Variants in SP4 observed in about 807,000 individuals in gnomAD.
The protein encoded by SP4 is Sp4 transcription factor.
Under a neutral mutation model 72.8 loss-of-function variants are expected in SP4, and 19 were observed. That is an observed-to-expected ratio of 0.26 (90% confidence interval 0.18 to 0.38). The LOEUF (loss-of-function observed/expected upper bound fraction) is 0.38, where lower values mean the gene tolerates loss of function less well. Ranked by LOEUF, SP4 falls within the 10% of genes least tolerant of loss-of-function variation. The probability of loss-of-function intolerance (pLI) is 1.00; values close to 1 mark genes in which losing one functional copy is unlikely to be tolerated. For missense variants in SP4, 1,008 were observed against 926.3 expected, an observed-to-expected ratio of 1.09 and a Z score of -1.14; for synonymous variants, 395 against 333.1, an observed-to-expected ratio of 1.19 and a Z score of -2.02.
At chr7:21,430,956 T>A in intron 3 of SP4, 113 bp downstream of exon 3, 1 of 724,046 alleles carries the variant, frequency 1.4e-6, no homozygotes, top group South Asian at 1.9e-5. Flanking sequence ...CACACAATCA[T>A]AAGGAACCAG....
At chr7:21,494,654 C>T (rs888600215) in intron 5 of SP4, among the ~76,000 whole-genome samples, 1 of 152,164 alleles carries the variant, frequency 6.6e-6, no homozygotes, top group African/African-American at 2.4e-5. Context: ...CAGAGATACA[C>T]ATTGTATTCA....
At chr7:21,446,043 G>A (rs1261795192) in intron 3 of SP4, among the ~76,000 whole-genome samples, 2 of 118,504 alleles carry the variant, frequency 1.7e-5, no homozygotes, top group Non-Finnish European at 3.6e-5. Flanking sequence ...CGCATATGTA[G>A]GTAGATATAT....
chr7:21,436,413 G>A (rs1469865022), intron 3 of SP4, among the ~76,000 whole-genome samples: 2 of 152,186 alleles, frequency 1.3e-5, no homozygotes, highest in African/African-American at 2.4e-5. Context: ...CAAAATGATA[G>A]AATTGTAGGT....
chr7:21,435,947 G>A (rs184711842), intron 3 of SP4, among the ~76,000 whole-genome samples: 100 of 152,184 alleles, frequency 6.6e-4, no homozygotes, highest in African/African-American at 2.3e-3. Context: ...CTGTCGCCCA[G>A]GCTGGAGTGC....
intron 3 of SP4, among the ~76,000 whole-genome samples, chr7:21,434,411 C>G (rs971113849): frequency 2.0e-5 from 3 of 152,140 alleles, no homozygotes; most frequent in African/African-American, 4.8e-5. Flanking sequence ...AGAATGTTAG[C>G]AACAACCTAG....
At chr7:21,428,314 C>G (rs1782692195) in intron 1 of SP4, 56 bp downstream of exon 1, 2 of 911,294 alleles carry the variant, frequency 2.2e-6, no homozygotes, top group Admixed American at 4.0e-5. Flanking sequence ...CTCCCTCCCT[C>G]CCCAGACCCT....
chr7:21,502,457 ACT>A (rs1049358757), intron 5 of SP4, among the ~76,000 whole-genome samples: 5 of 151,308 alleles, frequency 3.3e-5, no homozygotes. Context: ...GCAATGACAG[ACT>A]CTTACAAGTC....
At chr7:21,460,522 A>C (rs1174559278) in intron 3 of SP4, among the ~76,000 whole-genome samples, 2 of 152,220 alleles carry the variant, frequency 1.3e-5, no homozygotes, top group East Asian at 3.8e-4. Flanking sequence ...AGAGCAAAAG[A>C]ACAAAGCTTC....
At position 21,428,187 on chromosome 7, in the gene SP4, C is replaced by CAACCAA; in HGVS notation, c.-65_-64insAACCAA. 1.8e-6 allele frequency: 1 copy of CAACCAA among 563,540 alleles called. No individual in the cohort carries two copies. The highest frequency in any genetic ancestry group is 3.3e-6 in the Non-Finnish European group (1 of 305,070). The allele number at this position is 563,540 out of a possible 1,614,324, so 34.9% of individuals were successfully genotyped here. On this transcript the variant is annotated 5_prime_UTR_variant, in exon 1 of 6. Transcript: ENST00000222584. ...GCGGGACCGGCCTCTCCTCCCGCCT[C>CAACCAA]GCCCCCACCCCCACCCACCTCTATC...
intron 3 of SP4, among the ~76,000 whole-genome samples, chr7:21,443,166 C>T (rs11971316): frequency 0.74 from 112,103 of 152,186 alleles, 42,199 homozygotes; most frequent in East Asian, 0.9. Context: ...ATTTATAATT[C>T]TATTTTTTCT....
At chr7:21,431,029 G>T (rs779744326) in intron 3 of SP4, among the ~76,000 whole-genome samples, 186 bp downstream of exon 3, 2 of 152,014 alleles carry the variant, frequency 1.3e-5, no homozygotes, top group Non-Finnish European at 2.9e-5. Context: ...GTTCACTTTT[G>T]TAGATTTTAT....
intron 5 of SP4, among the ~76,000 whole-genome samples, chr7:21,506,566 C>T (rs985915817): frequency 3.9e-5 from 6 of 152,122 alleles, no homozygotes; most frequent in African/African-American, 1.4e-4. Flanking sequence ...TTCTGACTAC[C>T]TCTTCCACAG....
At chr7:21,444,205 T>C (rs1783349467) in intron 3 of SP4, among the ~76,000 whole-genome samples, 1 of 152,178 alleles carries the variant, frequency 6.6e-6, no homozygotes, top group Non-Finnish European at 1.5e-5. Context: ...GTTCCTTAGA[T>C]GATTGAATAA....
Position 21,512,670 on chromosome 7 carries a change from T to G in SP4, c.*1401T>G, listed in dbSNP as rs1782179512. The stretch of plus-strand genomic sequence containing the variant: ...GCCGCCTCCCAGGTTCAAGCGATTC[T>G]CCTGTCTTAGCCTCCTGAGTAGCTG... On this transcript the variant is annotated 3_prime_UTR_variant, in exon 6 of 6. Coordinates refer to ENST00000222584, the MANE Select transcript of SP4 (RefSeq NM_003112.5). The G allele has an allele frequency of 1.3e-5, 2 of 151,690 alleles. No individual in the cohort carries two copies. The highest frequency in any genetic ancestry group is 4.9e-5 in the African/African-American group (2 of 41,216). 9.4% of individuals were successfully genotyped at this position (151,690 alleles called of 1,614,324 possible).
intron 5 of SP4, among the ~76,000 whole-genome samples, chr7:21,500,136 A>G (rs1382844674): frequency 6.6e-6 from 1 of 152,200 alleles, no homozygotes. Flanking sequence ...TCTAGGCAAA[A>G]GGAGCATTTT....
At chr7:21,431,118 C>T (rs909528554) in intron 3 of SP4, among the ~76,000 whole-genome samples, 5 of 152,048 alleles carry the variant, frequency 3.3e-5, no homozygotes, top group Non-Finnish European at 5.9e-5. Context: ...TCATAATTGC[C>T]TTCTGTAATT....
At chr7:21,506,866 C>T (rs897462563) in intron 5 of SP4, among the ~76,000 whole-genome samples, 2 of 152,152 alleles carry the variant, frequency 1.3e-5, no homozygotes, top group African/African-American at 4.8e-5. Context: ...TGAATGTGTC[C>T]TATGTCCTAC....
intron 5 of SP4, among the ~76,000 whole-genome samples, chr7:21,506,550 A>G (rs1782004594): frequency 6.6e-6 from 1 of 152,074 alleles, no homozygotes; most frequent in African/African-American, 2.4e-5. Context: ...TCTTGATGTA[A>G]GTCTTTTCTG....
At chr7:21,488,584 G>T in intron 5 of SP4, among the ~76,000 whole-genome samples, 1 of 148,500 alleles carries the variant, frequency 6.7e-6, no homozygotes, top group East Asian at 2.0e-4. Context: ...TAATCATGCT[G>T]CTCTCTTAAA....
Sources: allele counts gnomAD v4.1 joint callset (sites outside exome capture counted in the v4.1 genomes callset), GRCh38; gene constraint gnomAD v4.1.1; transcripts MANE v1.5; gene names NCBI Gene and HGNC (gene_info 2026-07-23, HGNC 2026-07-21).